The following TNRC18 variants were observed in gnomAD, a reference collection of about 807,000 sequenced individuals.
TNRC18 encodes trinucleotide repeat-containing gene 18 protein.
In TNRC18, 69 loss-of-function variants were observed where a neutral mutation model predicts 226.7. The observed-to-expected ratio is 0.30, with a 90% confidence interval of 0.25 to 0.37. The LOEUF (loss-of-function observed/expected upper bound fraction) is 0.37. Ranked by LOEUF, TNRC18 falls within the 10% of genes least tolerant of loss-of-function variation. The pLI is 1.00. For missense variants in TNRC18, 4,754 were observed against 4,256.6 expected (o/e 1.12, Z -3.25); for synonymous variants, 2,449 against 1,927.6 (o/e 1.27, Z -7.09).
At chr7:5,345,960 C>A in intron 17 of TNRC18, 150 bp from the exon 18 acceptor site, 1 of 1,221,284 alleles carries the variant, frequency 8.2e-7, no homozygotes, top group Non-Finnish European at 1.1e-6. Context: ...AGACCCAGCC[C>A]ACGGGTTCCC....
At position 5,344,820 on chromosome 7, in the gene TNRC18, G is replaced by T. The variant is rs150339517; in HGVS notation, c.5719+742C>A. Among the ~76,000 whole-genome samples, 451 of 152,270 alleles carry T rather than the reference G, an allele frequency of 3.0e-3. 5 individuals are homozygous for T. Among genetic ancestry groups the T allele is most frequent in the African/African-American group, 0.01 (435 of 41,554 alleles). On this transcript the variant is annotated intron_variant, in intron 18 of 29. Coordinates refer to ENST00000430969, the MANE Select transcript of TNRC18 (RefSeq NM_001080495.3). ...GCGTCCGTGTGAGGGCACTCAGCCC[G>T]GTGAGAACAGGGAGGGCCCACGAGA... is the stretch of plus-strand genomic sequence containing the variant.
At position 5,389,278 on chromosome 7, in the gene TNRC18, CG is replaced by C; in HGVS notation, c.545del (p.Ser182TrpfsTer60). The C allele has an allele frequency of 1.5e-6, 2 of 1,296,510 alleles. No homozygotes were observed. Among genetic ancestry groups the C allele is most frequent in the South Asian group, 4.7e-5 (2 of 42,384 alleles). 80.3% of individuals were successfully genotyped at this position (1,296,510 alleles called of 1,614,324 possible). On this transcript the variant is annotated frameshift_variant, in exon 5 of 30. Transcript: ENST00000430969. LOFTEE classifies it high-confidence loss of function. ...APGSLHSHAP[S>X]ARTPGGGHSS... ...AGTGGCCGCCGCCAGGGGTCCGGGC[CG>C]AGGGCGCGTGAGAGTGCAGGGAGCC...
At chr7:5,383,635 T>C (rs1434367251) in intron 5 of TNRC18, among the ~76,000 whole-genome samples, 1 of 152,190 alleles carries the variant, frequency 6.6e-6, no homozygotes, top group African/African-American at 2.4e-5. Flanking sequence ...ACAACCCGAC[T>C]GTCCTCAGCT....
rs369234707 is a variant in TNRC18, at chr7:5,352,031, C to T, written c.5258G>A (p.Ser1753Asn). Residue 1753 changes from serine to asparagine, a missense_variant, in exon 17 of 30, where the codon AGC becomes AAC. Coordinates refer to ENST00000430969, the MANE Select transcript of TNRC18 (RefSeq NM_001080495.3). The part of the protein sequence containing the change: ...KDEWPAQGPS[S>N]SKLTPSLLCS... ...CAGGAGGGAAGGCGTCAGTTTGGAG[C>T]TGGAGGGGCCTTGGGCGGGCCACTC... The T allele has an allele frequency of 1.4e-5, 22 of 1,613,890 alleles. No individual in the cohort carries two copies. In the African/African-American group the frequency reaches 2.8e-4, roughly 21 times the overall value.
At chr7:5,378,806 A>T (rs1259871717) in intron 5 of TNRC18, among the ~76,000 whole-genome samples, 1 of 152,052 alleles carries the variant, frequency 6.6e-6, no homozygotes, top group African/African-American at 2.4e-5. Context: ...AAAAAAACAC[A>T]ACCCAAAAAC....
intron 22 of TNRC18, 175 bp from the exon 23 acceptor site, chr7:5,320,782 C>G: frequency 1.5e-6 from 1 of 645,276 alleles, no homozygotes; most frequent in East Asian, 2.7e-5. Context: ...TTTTCCTCAT[C>G]TGTAGGACTA....
chr7:5,398,655 T>C (rs1319813005), intron 2 of TNRC18, among the ~76,000 whole-genome samples: 1 of 149,192 alleles, frequency 6.7e-6, no homozygotes, highest in Admixed American at 6.8e-5. Flanking sequence ...CTCTCTCTGT[T>C]CACCCAGGCT....
In TNRC18 at chr7:5,389,318, G is replaced by A; in HGVS notation, c.506C>T (p.Thr169Ile). Residue 169 changes from threonine to isoleucine, a missense_variant, in exon 5 of 30, where the codon ACC becomes ATC. By Grantham distance (89) the Thr-to-Ile change is moderately conservative. Coordinates refer to ENST00000430969, the MANE Select transcript of TNRC18 (RefSeq NM_001080495.3). ...GPGGDGFYLP[T>I]AGAPGSLHSH... ...GTGCAGGGAGCCCGGAGCCCCCGCG[G>A]TGGGCAGGTAGAAACCGTCTGCGGA... 1 of 1,280,670 alleles carries A rather than the reference G, an allele frequency of 7.8e-7. No individual in the cohort carries two copies. 79.3% of individuals were successfully genotyped at this position (1,280,670 alleles called of 1,614,324 possible). A position where few individuals can be genotyped will look rare whatever the true frequency, so the allele number is the denominator to read the frequency against.
chr7:5,410,470 T>G (rs1459285717), intron 2 of TNRC18, among the ~76,000 whole-genome samples: 1 of 151,000 alleles, frequency 6.6e-6, no homozygotes, highest in East Asian at 1.9e-4. Flanking sequence ...AAGTCTTGAG[T>G]TTCCAGTTTG....
In TNRC18 at chr7:5,389,086, G is replaced by A. The variant is rs767553677; in HGVS notation, c.738C>T (p.Arg246=). 5.4e-6 allele frequency: 7 copies of A among 1,290,422 alleles called. No individual in the cohort carries two copies. The African/African-American group carries it at 8.0e-5, about 15-fold the overall frequency. 79.9% of individuals were successfully genotyped at this position (1,290,422 alleles called of 1,614,324 possible). ...RGVVDLTQEA[R]AEGRQDRGPP... ...GCCCCCGGTCCTGGCGGCCCTCGGC[G>A]CGCGCCTCCTGGGTCAGGTCCACCA... Residue 246 remains arginine (R), a synonymous_variant, in exon 5 of 30, where the codon CGC becomes CGT. Transcript: ENST00000430969.
At position 5,313,878 on chromosome 7, in the gene TNRC18, A is replaced by G. The variant is rs115144968; in HGVS notation, c.7028-15T>C. ...AGCGGCTCTGTCTGCAAAACAAAAC[A>G]GATGAGAAGCTGGGGCGGGGGCTTC... On this transcript the variant is annotated splice_polypyrimidine_tract_variant and intron_variant, in intron 26 of 29. Coordinates refer to ENST00000430969, the MANE Select transcript of TNRC18 (RefSeq NM_001080495.3). The G allele has an allele frequency of 2.4e-3, 3,515 of 1,436,764 alleles. 83 individuals carry two copies. The African/African-American group carries it at 0.045, about 19-fold the overall frequency. 89.0% of individuals were successfully genotyped at this position (1,436,764 alleles called of 1,614,324 possible).
At chr7:5,406,055 A>C (rs957323729) in intron 2 of TNRC18, among the ~76,000 whole-genome samples, 1 of 152,218 alleles carries the variant, frequency 6.6e-6, no homozygotes, top group Non-Finnish European at 1.5e-5. Flanking sequence ...AATGGGGTCC[A>C]TCCAGCCAGT....
intron 3 of TNRC18, among the ~76,000 whole-genome samples, chr7:5,393,523 G>A (rs1780448723): frequency 6.6e-6 from 1 of 152,184 alleles, no homozygotes. Flanking sequence ...GAGAGTGGCT[G>A]GGGAGGGCCG....
intron 2 of TNRC18, among the ~76,000 whole-genome samples, chr7:5,413,989 G>C (rs920300578): frequency 6.6e-6 from 1 of 152,226 alleles, no homozygotes; most frequent in South Asian, 2.1e-4. Context: ...GTCTCATTCT[G>C]TCTCCCAGGC....
intron 11 of TNRC18, 37 bp from the exon 12 acceptor site, chr7:5,362,862 A>ACCC (rs1232640341): frequency 6.9e-7 from 1 of 1,459,676 alleles, no homozygotes; most frequent in Non-Finnish European, 9.0e-7. Flanking sequence ...CGCTGCTGCC[A>ACCC]CCCCTTCCCC....
chr7:5,345,517 G>GGGGGGGGCCCCCC lies in TNRC18; in HGVS notation c.5719+44_5719+45insGGGGGGCCCCCCC. ...CCTGTGGGATGGGGCAATGGCGTCC[G>GGGGGGGGCCCCCC]CCCCTCCCACCCACCCCCACCGCAG... On this transcript the variant is annotated intron_variant, in intron 18 of 29. Transcript: ENST00000430969. 4 of 377,744 alleles carry GGGGGGGGCCCCCC rather than the reference G, an allele frequency of 1.1e-5. 1 individual carries two copies. The highest frequency in any genetic ancestry group is 1.9e-5 in the Non-Finnish European group (4 of 207,166). The allele number at this position is 377,744 out of a possible 1,614,324, so 23.4% of individuals were successfully genotyped here.
intron 2 of TNRC18, among the ~76,000 whole-genome samples, chr7:5,401,539 A>C (rs1038188460): frequency 2.0e-5 from 3 of 152,102 alleles, no homozygotes; most frequent in Non-Finnish European, 2.9e-5. Context: ...ACCTGTTATC[A>C]CAGGTGTTAG....
At chr7:5,400,602 ACTCT>A (rs998801487) in intron 2 of TNRC18, among the ~76,000 whole-genome samples, 3 of 151,872 alleles carry the variant, frequency 2.0e-5, no homozygotes, top group Admixed American at 6.6e-5. Flanking sequence ...ACAGAGTGAG[ACTCT>A]CTCTCAAATA....
At chr7:5,418,725 C>T (rs904025748) in intron 2 of TNRC18, among the ~76,000 whole-genome samples, 2 of 152,172 alleles carry the variant, frequency 1.3e-5, no homozygotes, top group East Asian at 1.9e-4. Context: ...GAGGGAGGTG[C>T]GTCAGAAGGG....
Sources: allele counts gnomAD v4.1 joint callset (sites outside exome capture counted in the v4.1 genomes callset), GRCh38; gene constraint gnomAD v4.1.1; transcripts MANE v1.5; gene names NCBI Gene and HGNC (gene_info 2026-07-23, HGNC 2026-07-21).